The following ZFX variants were observed in gnomAD, a reference collection of about 807,000 sequenced individuals.
The protein encoded by ZFX is zinc finger X-chromosomal protein.
For missense variants in ZFX, 362 were observed against 628.3 expected, an observed-to-expected ratio of 0.58 and a Z score of 4.53; for synonymous variants, 196 against 226.8, an observed-to-expected ratio of 0.86 and a Z score of 1.22.
intron 5 of ZFX, among the ~76,000 whole-genome samples, chrX:24,194,048 T>C (rs759138051): frequency 1.1e-3 from 124 of 111,645 alleles, no homozygotes; most frequent in African/African-American, 4.0e-3. Flanking sequence ...CTACCTCTTA[T>C]AAGTGGGATC....
intron 3 of ZFX, among the ~76,000 whole-genome samples, chrX:24,157,842 T>A (rs1245709306): frequency 9.0e-6 from 1 of 111,659 alleles, no homozygotes; most frequent in African/African-American, 3.3e-5. Context: ...CACTGCAACC[T>A]CCGCCTCCCG....
intron 3 of ZFX, among the ~76,000 whole-genome samples, chrX:24,164,484 T>C (rs999303972): frequency 2.7e-5 from 3 of 111,626 alleles, no homozygotes; most frequent in African/African-American, 9.8e-5. Context: ...CAGAACCTCA[T>C]AGGCCGAAAG....
intron 3 of ZFX, among the ~76,000 whole-genome samples, chrX:24,153,498 A>G (rs1158704523): frequency 2.7e-5 from 3 of 110,810 alleles, no homozygotes; most frequent in East Asian, 5.6e-4. Flanking sequence ...TCTCTTTACA[A>G]ATATTCCTAG....
chrX:24,179,839 G>T (rs1935513805), intron 5 of ZFX, 69 bp downstream of exon 5: 1 of 1,001,410 alleles, frequency 1.0e-6, no homozygotes, highest in Non-Finnish European at 1.4e-6. Context: ...TACATCAGGG[G>T]TGAAATTTTC....
intron 4 of ZFX, among the ~76,000 whole-genome samples, chrX:24,173,079 C>A (rs746594310): frequency 1.2e-4 from 13 of 111,581 alleles, no homozygotes; most frequent in Non-Finnish European, 2.3e-4. Context: ...TCCCTAATTC[C>A]TGTTGTTTTT....
chrX:24,152,943 A>C (rs1330921607), intron 3 of ZFX, 113 bp downstream of exon 3: 1 of 112,495 alleles, frequency 8.9e-6, no homozygotes, highest in Non-Finnish European at 1.9e-5. Flanking sequence ...CTTCGAACCC[A>C]ACCACCCTGG....
Position 24,211,359 on chromosome X carries a change from GA to G in ZFX, c.2403del (p.Val802LeufsTer13), listed in dbSNP as rs1171257154. The G allele has an allele frequency of 8.3e-7, 1 of 1,210,735 alleles. No individual in the cohort carries two copies. The highest frequency in any genetic ancestry group is 1.1e-6 in the Non-Finnish European group (1 of 895,454). On this transcript the variant is annotated frameshift_variant, in exon 10 of 10. Coordinates refer to ENST00000304543, the MANE Select transcript of ZFX (RefSeq NM_003410.4). LOFTEE classifies it high-confidence loss of function. Reference sequence around the variant, plus strand: ...CCAGCACATAATGCGACATCATAAAGAAGTTGGCCTGCCCTAACAATACTTC... The same window carrying G: ...CCAGCACATAATGCGACATCATAAAGAGTTGGCCTGCCCTAACAATACTTC... ...KNQHIMRHHK[E>X]VGLP is the part of the protein sequence containing the mutation.
chrX:24,161,899 C>T (rs1933373041), intron 3 of ZFX: 1 of 107,521 alleles, frequency 9.3e-6, no homozygotes, highest in African/African-American at 3.4e-5. Context: ...GGGGTTTCAC[C>T]ATGTTGGCCA....
chrX:24,180,734 TTATATAA>T (rs1359052958), intron 5 of ZFX, among the ~76,000 whole-genome samples: 1 of 112,173 alleles, frequency 8.9e-6, no homozygotes, highest in Non-Finnish European at 1.9e-5. Context: ...ACTTATGTAC[TTATATAA>T]TATGTAAAAC....
intron 3 of ZFX, among the ~76,000 whole-genome samples, chrX:24,164,024 T>G (rs1339446168): frequency 9.3e-6 from 1 of 107,820 alleles, no homozygotes; most frequent in Non-Finnish European, 1.9e-5. Flanking sequence ...TTTCTCCCAG[T>G]TTCTTCCCCT....
In ZFX at chrX:24,210,474, C is replaced by A. The variant is rs1937998389; in HGVS notation, c.1516C>A (p.His506Asn). 1 of 1,211,701 alleles carries A rather than the reference C, an allele frequency of 8.3e-7. No individual in the cohort carries two copies. Among genetic ancestry groups the A allele is most frequent in the Admixed American group, 2.2e-5 (1 of 45,989 alleles). The part of the protein sequence containing the change: ...HFSHAGALFT[H>N]KMVHKEKGAN... ...CTCTCATGCAGGGGCTTTGTTTACT[C>A]ACAAAATGGTGCATAAGGAAAAAGG... The change falls in exon 10 of 10, where the codon CAC becomes AAC. Residue 506 changes from histidine to asparagine, a missense_variant. Physicochemically the swap from His to Asn is moderately conservative, Grantham distance 68. Transcript: ENST00000304543.
At chrX:24,173,893 G>T (rs914519915) in intron 4 of ZFX, among the ~76,000 whole-genome samples, 1 of 109,589 alleles carries the variant, frequency 9.1e-6, no homozygotes, top group African/African-American at 3.3e-5. Context: ...ACCATGCCTG[G>T]CCTATACTTG....
At chrX:24,166,643 T>G (rs1460247579) in intron 3 of ZFX, among the ~76,000 whole-genome samples, 1 of 111,698 alleles carries the variant, frequency 9.0e-6, no homozygotes, top group Non-Finnish European at 1.9e-5. Context: ...TTTTTTATAT[T>G]TACATATTTC....
chrX:24,170,666 A>C (rs1353683118), intron 3 of ZFX, among the ~76,000 whole-genome samples: 2 of 94,536 alleles, frequency 2.1e-5, no homozygotes, highest in Admixed American at 2.5e-4. Flanking sequence ...GCTGGAGTGC[A>C]ATGGCATGAT....
intron 3 of ZFX, among the ~76,000 whole-genome samples, chrX:24,166,724 A>C (rs945749513): frequency 8.9e-6 from 1 of 111,894 alleles, no homozygotes; most frequent in Non-Finnish European, 1.9e-5. Context: ...GAACACACAC[A>C]CTTATTTTTT....
chrX:24,171,898 G>GAA (rs1934638855), intron 3 of ZFX, among the ~76,000 whole-genome samples: 1 of 62,255 alleles, frequency 1.6e-5, no homozygotes, highest in African/African-American at 8.3e-5. Context: ...CCAGGACAGA[G>GAA]AGAGAAGGAG....
chrX:24,201,843 T>C (rs1937320142), intron 5 of ZFX, among the ~76,000 whole-genome samples: 1 of 112,631 alleles, frequency 8.9e-6, no homozygotes, highest in African/African-American at 3.2e-5. Flanking sequence ...TAGATAGTTA[T>C]GTCCAGCGTT....
rs1314974421 is a variant in ZFX, at chrX:24,214,806, A to C, written c.*3430A>C. The C allele has an allele frequency of 1.8e-5, 2 of 112,117 alleles. No individual in the cohort carries two copies. The highest frequency in any genetic ancestry group is 6.5e-5 in the African/African-American group (2 of 30,840). 9.2% of individuals were successfully genotyped at this position (112,117 alleles called of 1,213,427 possible). A position where few individuals can be genotyped will look rare whatever the true frequency, so the allele number is the denominator to read the frequency against. On this transcript the variant is annotated 3_prime_UTR_variant, in exon 10 of 10. Transcript: ENST00000304543. ...TTTGAGAGCACTTAAAGTTCATTTCAGTATTAATTTACAGCATATTTAATC... is the reference window on the plus strand; with the variant it reads ...TTTGAGAGCACTTAAAGTTCATTTCCGTATTAATTTACAGCATATTTAATC...
In ZFX at chrX:24,207,418, T is replaced by C. The variant is rs1937669879; in HGVS notation, c.739T>C (p.Cys247Arg). 8.3e-7 allele frequency: 1 copy of C among 1,207,769 alleles called. No individual in the cohort carries two copies. Among genetic ancestry groups the C allele is most frequent in the East Asian group, 3.0e-5 (1 of 33,737 alleles). ...TGATCCTTGTAAAGTGGATGGCACT[T>C]GCCCTGAGGTCATCAAGGTGTACAT... Reference protein sequence around the residue: ...EIDPCKVDGTCPEVIKVYIFK... With the variant: ...EIDPCKVDGTRPEVIKVYIFK... Residue 247 changes from cysteine (C) to arginine (R), a missense_variant, in exon 6 of 10, where the codon TGC becomes CGC. Cys to Arg is a radical substitution (Grantham distance 180). Transcript: ENST00000304543.
Sources: allele counts gnomAD v4.1 joint callset (sites outside exome capture counted in the v4.1 genomes callset), GRCh38; gene constraint gnomAD v4.1.1; transcripts MANE v1.5; gene names NCBI Gene and HGNC (gene_info 2026-07-23, HGNC 2026-07-21).